Variants in NKAIN2 observed in about 807,000 individuals in gnomAD.
NKAIN2 encodes sodium/potassium-transporting ATPase subunit beta-1-interacting protein 2.
A neutral mutation model predicts 32.6 loss-of-function variants in NKAIN2; 14 were observed. The observed-to-expected ratio is 0.43, with a 90% CI of 0.28 to 0.67. NKAIN2 has a LOEUF of 0.67. Among genes scored for constraint, NKAIN2 ranks in the 30% least tolerant of loss-of-function variants. The probability of loss-of-function intolerance (pLI) is 0.17; values close to 1 mark genes in which losing one functional copy is unlikely to be tolerated. For missense variants in NKAIN2, 198 were observed against 258.3 expected (o/e 0.77, Z 1.60); for synonymous variants, 80 against 87.2 (o/e 0.92, Z 0.46).
intron 3 of NKAIN2, among the ~76,000 whole-genome samples, chr6:124,629,729 C>T (rs914867406): frequency 6.6e-6 from 1 of 152,032 alleles, no homozygotes; most frequent in African/African-American, 2.4e-5. Flanking sequence ...TCCAGAAGCC[C>T]ATTTTAGTCA....
intron 2 of NKAIN2, among the ~76,000 whole-genome samples, chr6:124,348,724 A>C (rs1292397097): frequency 1.3e-5 from 2 of 152,212 alleles, no homozygotes; most frequent in Non-Finnish European, 2.9e-5. Flanking sequence ...TCATCTCACT[A>C]GGGAGTGCCA....
At chr6:124,477,845 CTCT>C (rs1777292271) in intron 3 of NKAIN2, among the ~76,000 whole-genome samples, 1 of 145,758 alleles carries the variant, frequency 6.9e-6, no homozygotes, top group African/African-American at 2.6e-5. Flanking sequence ...CTTCCTCTTC[CTCT>C]TCTTCCTCTC....
At chr6:124,755,449 C>A (rs1323062792) in intron 4 of NKAIN2, among the ~76,000 whole-genome samples, 2 of 152,056 alleles carry the variant, frequency 1.3e-5, no homozygotes, top group Non-Finnish European at 2.9e-5. Context: ...AACACTTTAC[C>A]AACTATCTAG....
intron 1 of NKAIN2, among the ~76,000 whole-genome samples, chr6:124,266,001 G>T (rs916341609): frequency 6.6e-6 from 1 of 152,118 alleles, no homozygotes; most frequent in Non-Finnish European, 1.5e-5. Context: ...AAAAGACAAA[G>T]TAGGAGGCAA....
Position 123,964,994 on chromosome 6 carries a change from T to C in NKAIN2, c.54+160740T>C, listed in dbSNP as rs763420757. 6.6e-6 allele frequency among the ~76,000 whole-genome samples: 1 copy of C among 152,184 alleles called. No homozygotes were observed. Among genetic ancestry groups the C allele is most frequent in the Non-Finnish European group, 1.5e-5 (1 of 68,040 alleles). Reference sequence around the variant, plus strand: ...GGTAAACATTTTTCCTGGATTTTATTATTTATTTTATGAGATCCCTGTTTT... The same window carrying C: ...GGTAAACATTTTTCCTGGATTTTATCATTTATTTTATGAGATCCCTGTTTT... On this transcript the variant is annotated intron_variant, in intron 1 of 6. Coordinates refer to ENST00000368417, the MANE Select transcript of NKAIN2 (RefSeq NM_001040214.3). The surrounding 1 kb of genome is among the most constrained non-coding windows in gnomAD (Gnocchi z 4.0).
chr6:124,079,668 T>C (rs1347151564), intron 1 of NKAIN2, among the ~76,000 whole-genome samples: 3 of 152,180 alleles, frequency 2.0e-5, no homozygotes, highest in Non-Finnish European at 2.9e-5. Context: ...ATCCTCCTTT[T>C]TTCCTCTTTC....
intron 1 of NKAIN2, among the ~76,000 whole-genome samples, chr6:124,063,283 T>A (rs1371665996): frequency 6.6e-6 from 1 of 152,140 alleles, no homozygotes; most frequent in Non-Finnish European, 1.5e-5. Flanking sequence ...AGAGATGAGA[T>A]GTAACTGGCC....
At chr6:124,123,710 T>G (rs1208532790) in intron 1 of NKAIN2, among the ~76,000 whole-genome samples, 2 of 152,184 alleles carry the variant, frequency 1.3e-5, no homozygotes. Flanking sequence ...CTTAGTTATG[T>G]TATAAGTAAA....
intron 1 of NKAIN2, among the ~76,000 whole-genome samples, chr6:124,198,543 C>T (rs1232287021): frequency 1.3e-5 from 2 of 151,784 alleles, no homozygotes; most frequent in Non-Finnish European, 1.5e-5. Flanking sequence ...ATTGCAGTTC[C>T]AAGAGTTTCC....
chr6:124,250,396 G>A (rs960865163), intron 1 of NKAIN2, among the ~76,000 whole-genome samples: 1 of 151,714 alleles, frequency 6.6e-6, no homozygotes, highest in Non-Finnish European at 1.5e-5. Context: ...TTACAACTAG[G>A]CATACCATAA....
intron 3 of NKAIN2, among the ~76,000 whole-genome samples, chr6:124,611,918 AT>A (rs908235553): frequency 1.3e-5 from 2 of 151,916 alleles, no homozygotes; most frequent in Admixed American, 6.6e-5. Flanking sequence ...TTAGAAGACA[AT>A]TTTTTTTATC....
intron 3 of NKAIN2, among the ~76,000 whole-genome samples, chr6:124,510,216 G>A (rs1778658756): frequency 6.6e-6 from 1 of 151,772 alleles, no homozygotes; most frequent in South Asian, 2.1e-4. Flanking sequence ...TAGAGACCAA[G>A]TCTAAACACT....
chr6:124,115,504 A>T (rs943561706), intron 1 of NKAIN2, among the ~76,000 whole-genome samples: 7 of 152,126 alleles, frequency 4.6e-5, no homozygotes, highest in Non-Finnish European at 1.0e-4. Context: ...GAGAAAAAAA[A>T]ATTAAGGAAA....
chr6:124,437,872 A>ATTTTT lies in NKAIN2; in HGVS notation c.273+82540_273+82544dup, dbSNP rs374033234. On this transcript the variant is annotated intron_variant, in intron 3 of 6. Transcript: ENST00000368417. Reference sequence around the variant, plus strand: ...GTAGGGAATACGTACTGATCTATTGATTTTTTTTTTTTTTTTTTTCTTAAC... The same window carrying ATTTTT: ...GTAGGGAATACGTACTGATCTATTGATTTTTTTTTTTTTTTTTTTTTTTTCTTAAC... 115 of 344,244 alleles carry ATTTTT rather than the reference A, an allele frequency of 3.3e-4. 1 individual carries two copies. Among genetic ancestry groups the ATTTTT allele is most frequent in the East Asian group, 5.3e-4 (6 of 11,216 alleles). The allele number at this position is 344,244 out of a possible 1,614,324, so 21.3% of individuals were successfully genotyped here. A position where few individuals can be genotyped will look rare whatever the true frequency, so the allele number is the denominator to read the frequency against.
chr6:124,456,016 G>C (rs1776307298), intron 3 of NKAIN2, among the ~76,000 whole-genome samples: 1 of 151,948 alleles, frequency 6.6e-6, no homozygotes, highest in African/African-American at 2.4e-5. Context: ...ATAGGATGGT[G>C]TAACAGTCTG....
chr6:123,849,565 A>G (rs1011250060), intron 1 of NKAIN2, among the ~76,000 whole-genome samples: 1 of 152,090 alleles, frequency 6.6e-6, no homozygotes, highest in Middle Eastern at 3.2e-3. Flanking sequence ...AGGTGGCATG[A>G]ACTCCCTGCA....
chr6:124,002,272 G>A (rs944038166), intron 1 of NKAIN2, among the ~76,000 whole-genome samples: 33 of 152,004 alleles, frequency 2.2e-4, no homozygotes, highest in Non-Finnish European at 4.7e-4. Context: ...CGTGGTTGGG[G>A]ATAGAGGGAA....
At chr6:123,847,726 C>T (rs918269781) in intron 1 of NKAIN2, among the ~76,000 whole-genome samples, 9 of 152,174 alleles carry the variant, frequency 5.9e-5, no homozygotes, top group Admixed American at 2.0e-4. Flanking sequence ...TAAAACTTTT[C>T]ATTTTAATTT....
chr6:124,282,893 G>A lies in NKAIN2; in HGVS notation c.55-112G>A, dbSNP rs921769228. Reference sequence around the variant, plus strand: ...TTAGTTAAAGACAAATGCCAGATATGGTAACACAGTTATAAGTGCTAATTA... The same window carrying A: ...TTAGTTAAAGACAAATGCCAGATATAGTAACACAGTTATAAGTGCTAATTA... On this transcript the variant is annotated intron_variant, in intron 1 of 6. Coordinates refer to ENST00000368417, the MANE Select transcript of NKAIN2 (RefSeq NM_001040214.3). 6.8e-6 allele frequency: 6 copies of A among 879,106 alleles called. No individual in the cohort carries two copies. In the Admixed American group the frequency reaches 8.4e-5, roughly 12 times the overall value. 54.5% of individuals were successfully genotyped at this position (879,106 alleles called of 1,614,324 possible).
Sources: gnomAD v4.1 joint callset for allele counts (sites outside exome capture counted in the v4.1 genomes callset) on GRCh38, gnomAD v4.1.1 for gene constraint, Gnocchi (gnomAD v3.1) non-coding constraint, MANE v1.5 for transcripts, NCBI Gene and HGNC (gene_info 2026-07-23, HGNC 2026-07-21) for gene names.